Variants in TANGO6 observed in about 807,000 individuals in gnomAD.
TANGO6 encodes transport and Golgi organization protein 6 homolog.
Under a neutral mutation model 114.2 loss-of-function variants are expected in TANGO6, and 90 were observed. The ratio of observed to expected loss-of-function variants is 0.79; its 90% CI spans 0.66 to 0.94. The LOEUF is 0.94. Ranked by LOEUF, TANGO6 falls within the 40% of genes least tolerant of loss-of-function variation. The pLI is 0.00. For missense variants in TANGO6, 1,274 were observed against 1,315.3 expected, an observed-to-expected ratio of 0.97 and a Z score of 0.49; for synonymous variants, 477 against 509.8, an observed-to-expected ratio of 0.94 and a Z score of 0.87.
chr16:68,964,816 C>A (rs1963629006), intron 14 of TANGO6, among the ~76,000 whole-genome samples: 1 of 151,998 alleles, frequency 6.6e-6, no homozygotes, highest in Non-Finnish European at 1.5e-5. Flanking sequence ...TTCTTTCACC[C>A]ACCTCAGCTT....
intron 15 of TANGO6, among the ~76,000 whole-genome samples, chr16:68,993,712 A>G (rs1447973087): frequency 6.6e-6 from 1 of 152,236 alleles, no homozygotes; most frequent in East Asian, 1.9e-4. Flanking sequence ...GAACTTTTAT[A>G]TATCTAATTA....
chr16:69,065,405 T>G (rs1960199633), intron 17 of TANGO6, among the ~76,000 whole-genome samples: 1 of 152,230 alleles, frequency 6.6e-6, no homozygotes, highest in South Asian at 2.1e-4. Context: ...TCTTTGTCCC[T>G]AAACAACCTA....
Position 68,909,268 on chromosome 16 carries a change from A to C in TANGO6, c.1858A>C (p.Ser620Arg), listed in dbSNP as rs762183826. ...ETELKTEPFS[S>R]KSLLELEQHQ... ...AGAGTTAAAAACTGAGCCCTTCTCCAGCAAGAGCCTCTTGGAATTAGAGCA... is the reference window on the plus strand; with the variant it reads ...AGAGTTAAAAACTGAGCCCTTCTCCCGCAAGAGCCTCTTGGAATTAGAGCA... The change falls in exon 11 of 18, where the codon AGC becomes CGC. Residue 620 changes from serine (S) to arginine (R), a missense_variant. This residue lies in a region of TANGO6 where 908 missense variants were observed against 910.2 expected (regional missense o/e 1.00). Transcript: ENST00000261778. 3 of 1,609,314 alleles carry C rather than the reference A, an allele frequency of 1.9e-6. No individual in the cohort carries two copies. The African/African-American group carries it at 4.0e-5, about 22-fold the overall frequency.
intron 4 of TANGO6, among the ~76,000 whole-genome samples, chr16:68,873,492 T>G (rs1396300691): frequency 6.6e-6 from 1 of 151,728 alleles, no homozygotes; most frequent in African/African-American, 2.4e-5. Flanking sequence ...TTTTGTATTT[T>G]TAGTAGAGAC....
At chr16:68,890,660 G>A (rs186156712) in intron 7 of TANGO6, among the ~76,000 whole-genome samples, 24 of 152,120 alleles carry the variant, frequency 1.6e-4, no homozygotes, top group Admixed American at 1.3e-3. Flanking sequence ...CAAGGTGGGC[G>A]GATCGCTTGA....
chr16:68,908,323 A>C (rs1017021330), intron 10 of TANGO6, among the ~76,000 whole-genome samples: 9 of 152,072 alleles, frequency 5.9e-5, no homozygotes, highest in African/African-American at 2.2e-4. Flanking sequence ...TCCCATGTTC[A>C]CACCCGTCCC....
At chr16:68,968,764 G>A (rs1168917351) in intron 14 of TANGO6, among the ~76,000 whole-genome samples, 3 of 147,254 alleles carry the variant, frequency 2.0e-5, no homozygotes, top group South Asian at 2.1e-4. Flanking sequence ...TCCACCTCCC[G>A]GGTTCACGCC....
At chr16:68,958,369 A>C (rs1168151397) in intron 14 of TANGO6, among the ~76,000 whole-genome samples, 1 of 150,780 alleles carries the variant, frequency 6.6e-6, no homozygotes, top group South Asian at 2.1e-4. Flanking sequence ...CATGCCTGTA[A>C]TCTCAGCTAC....
intron 15 of TANGO6, among the ~76,000 whole-genome samples, chr16:69,018,301 G>C (rs1311444319): frequency 6.6e-6 from 1 of 151,010 alleles, no homozygotes; most frequent in African/African-American, 2.4e-5. Context: ...CCGCCACCAC[G>C]CCTGGCTAAT....
chr16:68,924,388 G>A, intron 12 of TANGO6, among the ~76,000 whole-genome samples: 1 of 152,042 alleles, frequency 6.6e-6, no homozygotes, highest in South Asian at 2.1e-4. Flanking sequence ...TCGGGAGGCT[G>A]AGGCAGGAGA....
intron 17 of TANGO6, 99 bp downstream of exon 17, chr16:69,040,520 G>T (rs897668184): frequency 1.1e-6 from 1 of 942,436 alleles, no homozygotes; most frequent in Non-Finnish European, 1.6e-6. Flanking sequence ...CTCTTTCCTC[G>T]ATGGATTCAT....
At chr16:68,990,101 A>G (rs931986109) in intron 15 of TANGO6, among the ~76,000 whole-genome samples, 2 of 152,096 alleles carry the variant, frequency 1.3e-5, no homozygotes, top group Non-Finnish European at 2.9e-5. Flanking sequence ...TGGTGCGATC[A>G]CAGCTCAATG....
In TANGO6 at chr16:69,083,485, G is replaced by A; in HGVS notation, c.3109G>A (p.Val1037Met). The A allele has an allele frequency of 1.2e-6, 2 of 1,608,050 alleles. No homozygotes were observed. The highest frequency in any genetic ancestry group is 8.5e-7 in the Non-Finnish European group (1 of 1,176,906). Reference protein sequence around the residue: ...LRGLSQKATEVLSAVLKDLYH... With the variant: ...LRGLSQKATEMLSAVLKDLYH... ...GGTCATGGCTGTCTCTCTCATGCAG[G>A]TGCTGAGCGCCGTCCTCAAGGATCT... Residue 1037 changes from valine to methionine, a missense_variant and splice_region_variant, in exon 18 of 18, where the codon GTG becomes ATG. Coordinates refer to ENST00000261778, the MANE Select transcript of TANGO6 (RefSeq NM_024562.2).
chr16:68,999,609 A>G lies in TANGO6; in HGVS notation c.2843-23219A>G, dbSNP rs184110993. Among the ~76,000 whole-genome samples, 34 of 152,346 alleles carry G rather than the reference A, an allele frequency of 2.2e-4. No homozygotes were observed. The East Asian group carries it at 6.4e-3, about 29-fold the overall frequency. On this transcript the variant is annotated intron_variant, in intron 15 of 17. Coordinates refer to ENST00000261778, the MANE Select transcript of TANGO6 (RefSeq NM_024562.2). Reference sequence around the variant, plus strand: ...AATTTCCAAATTCTGGAGAAATCAGATAGAGAGAAAGAAACATGCTCTATA... The same window carrying G: ...AATTTCCAAATTCTGGAGAAATCAGGTAGAGAGAAAGAAACATGCTCTATA...
At chr16:69,049,807 C>T (rs1442565898) in intron 17 of TANGO6, among the ~76,000 whole-genome samples, 5 of 151,512 alleles carry the variant, frequency 3.3e-5, no homozygotes, top group African/African-American at 9.7e-5. Context: ...AACTCCTGAG[C>T]TCATGTGATC....
intron 12 of TANGO6, among the ~76,000 whole-genome samples, chr16:68,926,527 A>AT (rs905405630): frequency 2.8e-4 from 42 of 150,188 alleles, no homozygotes; most frequent in East Asian, 9.9e-4. Context: ...AATAAAAAGG[A>AT]TTTTTTTTTC....
intron 4 of TANGO6, among the ~76,000 whole-genome samples, chr16:68,869,342 G>A (rs974616108): frequency 5.3e-5 from 8 of 152,168 alleles, no homozygotes; most frequent in African/African-American, 1.7e-4. Flanking sequence ...GCTGGGTGTG[G>A]TGGTGCGCAC....
At chr16:68,848,275 T>G (rs977277163) in intron 1 of TANGO6, among the ~76,000 whole-genome samples, 3 of 152,052 alleles carry the variant, frequency 2.0e-5, no homozygotes, top group Non-Finnish European at 4.4e-5. Flanking sequence ...AGCTTTCCTT[T>G]TATTCTTTTT....
rs181400340 is a variant in TANGO6 at position 69,078,295 on chromosome 16, C to T, written c.3109-5190C>T. On this transcript the variant is annotated intron_variant, in intron 17 of 17. Transcript: ENST00000261778. Reference sequence around the variant, plus strand: ...GTAGCCCTTTCCCCTGACTTCCTGCCTTCACTCCCCAGTGTCCATGCTGAT... The same window carrying T: ...GTAGCCCTTTCCCCTGACTTCCTGCTTTCACTCCCCAGTGTCCATGCTGAT... Among the ~76,000 whole-genome samples, 21 of 152,308 alleles carry T rather than the reference C, an allele frequency of 1.4e-4. No individual in the cohort carries two copies. The East Asian group carries it at 2.5e-3, about 18-fold the overall frequency.
Sources: gnomAD v4.1 joint callset for allele counts (sites outside exome capture counted in the v4.1 genomes callset) on GRCh38, gnomAD v4.1.1 for gene constraint, gnomAD v4.1.1 regional missense constraint, MANE v1.5 for transcripts, NCBI Gene and HGNC (gene_info 2026-07-23, HGNC 2026-07-21) for gene names.